METTL25: variants seen among roughly 807,000 people sequenced by gnomAD.
METTL25 encodes probable methyltransferase-like protein 25.
A neutral mutation model predicts 71.6 loss-of-function variants in METTL25; 64 were observed. The ratio of observed to expected loss-of-function variants is 0.89; its 90% CI spans 0.73 to 1.10. METTL25 has a LOEUF of 1.10. Among genes scored for constraint, METTL25 ranks in the 50% least tolerant of loss-of-function variants. The pLI is 0.00. For missense variants in METTL25, 807 were observed against 707.0 expected (o/e 1.14, Z -1.60); for synonymous variants, 287 against 250.3 (o/e 1.15, Z -1.38).
intron 8 of METTL25, among the ~76,000 whole-genome samples, chr12:82,448,679 A>ACTAT (rs1201045885): frequency 1.3e-5 from 2 of 152,120 alleles, no homozygotes; most frequent in Non-Finnish European, 2.9e-5. Context: ...GATCTTAAAA[A>ACTAT]CTATCTCACA....
chr12:82,375,606 A>C (rs1433432819), intron 1 of METTL25, among the ~76,000 whole-genome samples: 2 of 152,232 alleles, frequency 1.3e-5, no homozygotes, highest in African/African-American at 4.8e-5. Context: ...TTAAGTTTTT[A>C]GAAATGATTG....
intron 5 of METTL25, among the ~76,000 whole-genome samples, chr12:82,408,597 CGTGT>C (rs56872887): frequency 6.8e-6 from 1 of 147,738 alleles, no homozygotes; most frequent in African/African-American, 2.5e-5. Context: ...GATGTGACTC[CGTGT>C]GTGTGTGTGT....
rs533448403 is a variant in METTL25, at chr12:82,364,048, A to G, written c.259+5224A>G. On this transcript the variant is annotated intron_variant, in intron 1 of 11. Coordinates refer to ENST00000248306, the MANE Select transcript of METTL25 (RefSeq NM_032230.3). ...GAAAAGTACACACTTACCGACACAC[A>G]ATTGTATTAATGTTATGTATTATCT... is the stretch of plus-strand genomic sequence containing the variant. Among the ~76,000 whole-genome samples, 5 of 152,302 alleles carry G rather than the reference A, an allele frequency of 3.3e-5. No individual in the cohort carries two copies. In the East Asian group the frequency reaches 9.6e-4, roughly 29 times the overall value.
intron 9 of METTL25, 194 bp from the exon 10 acceptor site, chr12:82,476,450 A>T: frequency 1.9e-6 from 1 of 526,054 alleles, no homozygotes; most frequent in South Asian, 2.8e-5. Flanking sequence ...GTGCTGCATA[A>T]CCTATATCAG....
intron 9 of METTL25, among the ~76,000 whole-genome samples, chr12:82,466,005 A>G (rs1413944473): frequency 1.2e-5 from 1 of 84,388 alleles, no homozygotes; most frequent in East Asian, 3.6e-4. Context: ...TTTTTTTTTT[A>G]CTTTGTTTCA....
chr12:82,444,471 A>T (rs1324898146), intron 8 of METTL25, among the ~76,000 whole-genome samples: 1 of 152,208 alleles, frequency 6.6e-6, no homozygotes, highest in African/African-American at 2.4e-5. Flanking sequence ...TATAAAACTC[A>T]TTGGTAAAAG....
intron 1 of METTL25, among the ~76,000 whole-genome samples, chr12:82,372,403 G>C (rs1379167027): frequency 6.6e-6 from 1 of 152,168 alleles, no homozygotes; most frequent in Non-Finnish European, 1.5e-5. Flanking sequence ...AGGAAGGGGA[G>C]CTATAGGGAG....
intron 5 of METTL25, among the ~76,000 whole-genome samples, chr12:82,422,745 A>G (rs1888631609): frequency 6.6e-6 from 1 of 152,150 alleles, no homozygotes. Context: ...ATTCTTATAC[A>G]CCAATAACAG....
intron 7 of METTL25, 134 bp downstream of exon 7, chr12:82,434,858 A>G: frequency 1.3e-6 from 1 of 776,344 alleles, no homozygotes; most frequent in Non-Finnish European, 2.1e-6. Context: ...AAATTTGTGC[A>G]TTTTCTGTAA....
At chr12:82,441,681 A>T (rs1354525685) in intron 8 of METTL25, among the ~76,000 whole-genome samples, 1 of 151,674 alleles carries the variant, frequency 6.6e-6, no homozygotes. Flanking sequence ...AGTAATCTAG[A>T]ACCACCAATA....
chr12:82,370,196 G>A lies in METTL25; in HGVS notation c.259+11372G>A, dbSNP rs369752533. Among the ~76,000 whole-genome samples, 144 of 152,270 alleles carry A rather than the reference G, an allele frequency of 9.5e-4. 2 individuals are homozygous for A. The Middle Eastern group carries it at 0.01, about 11-fold the overall frequency. On this transcript the variant is annotated intron_variant, in intron 1 of 11. Coordinates refer to ENST00000248306, the MANE Select transcript of METTL25 (RefSeq NM_032230.3). ...TCTTTAGGCCAGTGAAAGGGCCAGC[G>A]GGTCAGTCCAGGGATCCTTGGTAGA...
intron 5 of METTL25, among the ~76,000 whole-genome samples, chr12:82,422,244 T>TA (rs2137107732): frequency 6.6e-6 from 1 of 152,216 alleles, no homozygotes; most frequent in Admixed American, 6.5e-5. Flanking sequence ...TGGTTCAACA[T>TA]ACGCAAATCA....
At chr12:82,368,769 T>C (rs148399769) in intron 1 of METTL25, among the ~76,000 whole-genome samples, 346 of 152,352 alleles carry the variant, frequency 2.3e-3, no homozygotes, top group African/African-American at 8.0e-3. Context: ...ACCATGGTCA[T>C]GTTGAAGGGC....
chr12:82,399,372 A>G lies in METTL25; in HGVS notation c.1109A>G (p.His370Arg), dbSNP rs1267666797. Residue 370 changes from histidine to arginine, a missense_variant, in exon 4 of 12, where the codon CAT (histidine) becomes CGT (arginine). By Grantham distance (29) the His-to-Arg change is conservative (BLOSUM62 0). Coordinates refer to ENST00000248306, the MANE Select transcript of METTL25 (RefSeq NM_032230.3). ...TSFITADSEL[H>R]DIIKDLEDCL... Reference sequence around the variant, plus strand: ...TTTATCACTGCTGATTCAGAACTCCATGACATTATTAAAGATTTGGAGGTG... The same window carrying G: ...TTTATCACTGCTGATTCAGAACTCCGTGACATTATTAAAGATTTGGAGGTG... The G allele has an allele frequency of 1.3e-6, 2 of 1,579,318 alleles. No homozygotes were observed. Among genetic ancestry groups the G allele is most frequent in the South Asian group, 1.2e-5 (1 of 85,080 alleles).
At chr12:82,452,836 T>G (rs1249499340) in intron 8 of METTL25, among the ~76,000 whole-genome samples, 1 of 152,112 alleles carries the variant, frequency 6.6e-6, no homozygotes, top group Non-Finnish European at 1.5e-5. Context: ...GCACCGTATA[T>G]TGAATATTTT....
chr12:82,391,709 C>G (rs1245135124), intron 3 of METTL25, among the ~76,000 whole-genome samples: 1 of 139,216 alleles, frequency 7.2e-6, no homozygotes, highest in East Asian at 2.1e-4. Flanking sequence ...GATATCTCTT[C>G]CATATACTGA....
chr12:82,362,354 A>G (rs1480332951), intron 1 of METTL25, among the ~76,000 whole-genome samples: 4 of 152,336 alleles, frequency 2.6e-5, no homozygotes, highest in South Asian at 2.1e-4. Flanking sequence ...AACTTGGGCA[A>G]TTTACTTCAA....
intron 5 of METTL25, among the ~76,000 whole-genome samples, chr12:82,423,395 G>A (rs1356022948): frequency 2.0e-5 from 3 of 152,174 alleles, no homozygotes; most frequent in Non-Finnish European, 4.4e-5. Context: ...ATTAATTCAA[G>A]ATGGATTAAA....
chr12:82,458,530 T>G (rs918606617), intron 9 of METTL25, among the ~76,000 whole-genome samples: 1 of 151,990 alleles, frequency 6.6e-6, no homozygotes, highest in Admixed American at 6.6e-5. Flanking sequence ...TGGACAACTT[T>G]GGGAATTAAA....
Sources: allele counts gnomAD v4.1 joint callset (sites outside exome capture counted in the v4.1 genomes callset), GRCh38; gene constraint gnomAD v4.1.1; transcripts MANE v1.5; gene names NCBI Gene and HGNC (gene_info 2026-07-23, HGNC 2026-07-21).